Variants in HDAC9 observed in about 807,000 individuals in gnomAD.
HDAC9 encodes MEF-2 interacting transcription repressor (MITR) protein.
HDAC9 carries 41 observed loss-of-function variants against 139.4 expected under a neutral mutation model. The ratio of observed to expected loss-of-function variants is 0.29; its 90% CI spans 0.23 to 0.38. HDAC9 has a LOEUF of 0.38. HDAC9 is among the 10% of genes least tolerant of loss of function. HDAC9 has a pLI of 1.00. For missense variants in HDAC9, 1,147 were observed against 1,297.0 expected, an observed-to-expected ratio of 0.88 and a Z score of 1.78; for synonymous variants, 517 against 476.2, an observed-to-expected ratio of 1.09 and a Z score of -1.12.
intron 13 of HDAC9, among the ~76,000 whole-genome samples, chr7:18,741,301 G>A (rs966412974): frequency 3.3e-5 from 5 of 152,226 alleles, no homozygotes; most frequent in South Asian, 2.1e-4. Flanking sequence ...GGCTAATGCA[G>A]CTAGTGGCTT....
chr7:18,863,330 C>T (rs1273908674), intron 21 of HDAC9, among the ~76,000 whole-genome samples: 1 of 152,184 alleles, frequency 6.6e-6, no homozygotes, highest in African/African-American at 2.4e-5. Context: ...TTGTCCAACC[C>T]ATGGCCCATG....
chr7:18,508,101 A>G (rs1800356975), intron 2 of HDAC9, among the ~76,000 whole-genome samples: 3 of 152,232 alleles, frequency 2.0e-5, no homozygotes, highest in Non-Finnish European at 4.4e-5. Flanking sequence ...TAAACAAAGC[A>G]AGGAGATACA....
chr7:18,688,321 G>A (rs1261133797), intron 12 of HDAC9, among the ~76,000 whole-genome samples: 1 of 151,602 alleles, frequency 6.6e-6, no homozygotes, highest in Non-Finnish European at 1.5e-5. Flanking sequence ...TGCTGACACC[G>A]GGAATGCATT....
intron 1 of HDAC9, among the ~76,000 whole-genome samples, chr7:18,450,671 C>G (rs1792732184): frequency 6.6e-6 from 1 of 152,198 alleles, no homozygotes; most frequent in Non-Finnish European, 1.5e-5. Flanking sequence ...TGTTACAGAA[C>G]TCAGAGGTCT....
At chr7:18,891,382 C>T (rs1415595306) in intron 22 of HDAC9, among the ~76,000 whole-genome samples, 2 of 152,158 alleles carry the variant, frequency 1.3e-5, no homozygotes, top group African/African-American at 4.8e-5. Context: ...AGGTCCTCTA[C>T]TTTAAGAGCT....
At chr7:18,516,810 G>A (rs530488615) in intron 2 of HDAC9, among the ~76,000 whole-genome samples, 6 of 146,028 alleles carry the variant, frequency 4.1e-5, no homozygotes, top group East Asian at 2.1e-4. Flanking sequence ...GCAGTAAGCC[G>A]AGATCGTGCC....
chr7:18,916,015 C>T (rs6968894), intron 22 of HDAC9, among the ~76,000 whole-genome samples: 8 of 98,252 alleles, frequency 8.1e-5, no homozygotes, highest in Non-Finnish European at 1.6e-4. Flanking sequence ...CCTCTCACCC[C>T]CCGCTGGAAA....
intron 1 of HDAC9, among the ~76,000 whole-genome samples, chr7:18,160,043 TG>T (rs901350295): frequency 2.0e-5 from 3 of 152,204 alleles, no homozygotes; most frequent in Admixed American, 1.3e-4. Context: ...TGTGTTTTTG[TG>T]GAAATAAGTG....
Position 18,184,228 on chromosome 7 carries a change from G to A in HDAC9, c.25+21879G>A, listed in dbSNP as rs936588956. Among the ~76,000 whole-genome samples the A allele has an allele frequency of 5.9e-5, 9 of 152,016 alleles. No individual in the cohort carries two copies. The South Asian group carries it at 6.2e-4, about 10-fold the overall frequency. ...CGCCTGACCAACATGGAGAAACCCCGTCTCTACTAAAAATACGAAGTTAGC... is the reference window on the plus strand; with the variant it reads ...CGCCTGACCAACATGGAGAAACCCCATCTCTACTAAAAATACGAAGTTAGC... On this transcript the variant is annotated intron_variant, in intron 2 of 12. Coordinates refer to the HDAC9 transcript ENST00000417496.
At chr7:18,387,580 G>T (rs1786058842) in intron 1 of HDAC9, among the ~76,000 whole-genome samples, 1 of 152,210 alleles carries the variant, frequency 6.6e-6, no homozygotes, top group Non-Finnish European at 1.5e-5. Flanking sequence ...GAGGTAGGCT[G>T]AACAGAGAGA....
chr7:18,616,162 T>C (rs1838534550), intron 6 of HDAC9, among the ~76,000 whole-genome samples: 4 of 152,202 alleles, frequency 2.6e-5, no homozygotes, highest in African/African-American at 9.7e-5. Flanking sequence ...CAAGTTAATC[T>C]TTTTTAAGTC....
rs536473139 is a variant in HDAC9, at chr7:18,705,680, G to A, written c.1732-21900G>A. ...AGCCTGGCCAACATGCCGAAACCCC[G>A]TTTCTACTAAAAAAATACAAAAATT... On this transcript the variant is annotated intron_variant, in intron 12 of 25. Coordinates refer to ENST00000686413, the MANE Select transcript of HDAC9 (RefSeq NM_178425.4). Among the ~76,000 whole-genome samples the A allele has an allele frequency of 8.4e-4, 127 of 151,534 alleles. 1 individual carries two copies. Among genetic ancestry groups the A allele is most frequent in the African/African-American group, 3.0e-3 (123 of 41,298 alleles).
At chr7:18,975,992 T>C (rs140983727) in intron 25 of HDAC9, 39 bp downstream of exon 25, 98 of 1,587,238 alleles carry the variant, frequency 6.2e-5, no homozygotes, top group Non-Finnish European at 8.2e-5. Context: ...GGGTCAGTCA[T>C]ATCCAGGCTC....
At chr7:18,622,569 G>T (rs984898685) in intron 6 of HDAC9, among the ~76,000 whole-genome samples, 2 of 151,850 alleles carry the variant, frequency 1.3e-5, no homozygotes, top group Admixed American at 1.3e-4. Flanking sequence ...TGATCTGCCC[G>T]CCTTGGCCTC....
At chr7:18,943,804 G>A (rs1177808592) in intron 23 of HDAC9, among the ~76,000 whole-genome samples, 3 of 151,938 alleles carry the variant, frequency 2.0e-5, no homozygotes, top group African/African-American at 7.3e-5. Context: ...TAAGACTTAT[G>A]TCACTGCTAT....
chr7:18,585,245 C>T, intron 2 of HDAC9, 36 bp from the exon 3 acceptor site: 2 of 1,568,980 alleles, frequency 1.3e-6, no homozygotes, highest in Non-Finnish European at 1.8e-6. Flanking sequence ...CTATTACCCT[C>T]CCCCACCCCA....
At chr7:18,282,446 T>G (rs1422360932) in intron 2 of HDAC9, among the ~76,000 whole-genome samples, 1 of 152,116 alleles carries the variant, frequency 6.6e-6, no homozygotes, top group Non-Finnish European at 1.5e-5. Context: ...ATAAAAACAT[T>G]TTACTTCTTA....
At chr7:18,310,847 C>G in intron 1 of HDAC9, among the ~76,000 whole-genome samples, 1 of 145,770 alleles carries the variant, frequency 6.9e-6, no homozygotes, top group East Asian at 2.0e-4. Context: ...CACACACACA[C>G]ACTCTCTTAC....
chr7:18,276,093 C>T (rs1409511962), intron 2 of HDAC9, among the ~76,000 whole-genome samples: 1 of 152,068 alleles, frequency 6.6e-6, no homozygotes, highest in Non-Finnish European at 1.5e-5. Context: ...AAGAAAGCAC[C>T]TGGTTGAGAA....
Sources: allele counts gnomAD v4.1 joint callset (sites outside exome capture counted in the v4.1 genomes callset), GRCh38; gene constraint gnomAD v4.1.1; transcripts MANE v1.5; gene names NCBI Gene and HGNC (gene_info 2026-07-23, HGNC 2026-07-21).